Variants in VEGFC observed in about 807,000 individuals in gnomAD.
VEGFC encodes vascular endothelial growth factor C.
In VEGFC, 12 loss-of-function variants were observed where a neutral mutation model predicts 46.1. That is an observed-to-expected ratio of 0.26 (90% CI 0.17 to 0.42). The LOEUF (loss-of-function observed/expected upper bound fraction) is 0.42, where lower values mean the gene tolerates loss of function less well. Among genes scored for constraint, VEGFC ranks in the 10% least tolerant of loss-of-function variants. VEGFC has a pLI of 1.00. For missense variants in VEGFC, 488 were observed against 529.4 expected, an observed-to-expected ratio of 0.92 and a Z score of 0.77; for synonymous variants, 232 against 195.5, an observed-to-expected ratio of 1.19 and a Z score of -1.56.
intron 1 of VEGFC, among the ~76,000 whole-genome samples, chr4:176,769,384 T>C (rs1374028349): frequency 1.3e-5 from 2 of 152,170 alleles, no homozygotes; most frequent in Non-Finnish European, 2.9e-5. Flanking sequence ...CTGTGTGTCC[T>C]CTTGCGGTCT....
At chr4:176,702,795 A>T (rs183441894) in intron 4 of VEGFC, among the ~76,000 whole-genome samples, 93 of 152,190 alleles carry the variant, frequency 6.1e-4, no homozygotes, top group Non-Finnish European at 1.0e-3. Context: ...TGTAGTGTAT[A>T]TTGACTTCCC....
At chr4:176,689,877 G>T (rs3775203) in intron 4 of VEGFC, among the ~76,000 whole-genome samples, 58,669 of 151,900 alleles carry the variant, frequency 0.39, 12,095 homozygotes, top group East Asian at 0.54. Flanking sequence ...TTTATCAAGA[G>T]AGTTTGTCAC....
rs1553997799 is a variant in VEGFC, at chr4:176,780,387, A to AAAAAAACAAACAAAC, written c.147+11777_147+11778insGTTTGTTTGTTTTTT. Reference sequence around the variant, plus strand: ...ACAGAGCGAGACTCCATCTCAAAAAAAAAAAAAAAAAACTCCTTCTAACCC... The same window carrying AAAAAAACAAACAAAC: ...ACAGAGCGAGACTCCATCTCAAAAAAAAAAAACAAACAAACAAAAAAAAAAAACTCCTTCTAACCC... On this transcript the variant is annotated intron_variant, in intron 1 of 6. Coordinates refer to ENST00000618562, the MANE Select transcript of VEGFC (RefSeq NM_005429.5). Among the ~76,000 whole-genome samples the AAAAAAACAAACAAAC allele has an allele frequency of 2.0e-3, 226 of 114,780 alleles. 8 individuals carry two copies. The highest frequency in any genetic ancestry group is 8.6e-3 in the East Asian group (31 of 3,620). The allele number at this position is 114,780 out of a possible 152,430, so 75.3% of individuals were successfully genotyped here. A position where few individuals can be genotyped will look rare whatever the true frequency, so the allele number is the denominator to read the frequency against.
intron 3 of VEGFC, among the ~76,000 whole-genome samples, chr4:176,722,537 C>G (rs1354022906): frequency 6.7e-6 from 1 of 149,754 alleles, no homozygotes; most frequent in Non-Finnish European, 1.5e-5. Flanking sequence ...GCTCTGTCAC[C>G]CAGGCTGGAG....
intron 1 of VEGFC, among the ~76,000 whole-genome samples, chr4:176,758,150 T>C (rs1037655492): frequency 1.3e-5 from 2 of 152,118 alleles, no homozygotes; most frequent in Admixed American, 6.6e-5. Flanking sequence ...CATAGTCTTA[T>C]TAGAGTGAGA....
intron 5 of VEGFC, 138 bp from the exon 6 acceptor site, chr4:176,687,658 T>C (rs1734069072): frequency 9.7e-7 from 1 of 1,027,096 alleles, no homozygotes. Context: ...TGTTCCTTTA[T>C]AAAGGAGTTC....
intron 1 of VEGFC, among the ~76,000 whole-genome samples, chr4:176,764,264 G>A (rs1372499239): frequency 1.3e-5 from 2 of 152,118 alleles, no homozygotes; most frequent in African/African-American, 4.8e-5. Flanking sequence ...ATAGGTAAGA[G>A]GCTGAAAATC....
intron 1 of VEGFC, among the ~76,000 whole-genome samples, chr4:176,781,211 T>A (rs922331188): frequency 6.6e-6 from 1 of 152,212 alleles, no homozygotes; most frequent in Non-Finnish European, 1.5e-5. Flanking sequence ...AAGAGAGATC[T>A]AGGACTCAGA....
At chr4:176,711,402 T>C in intron 4 of VEGFC, 97 bp downstream of exon 4, 1 of 1,369,060 alleles carries the variant, frequency 7.3e-7, no homozygotes, top group Non-Finnish European at 9.8e-7. Context: ...TATATTACAG[T>C]AAATTTCACA....
At chr4:176,737,907 A>C (rs958756314) in intron 1 of VEGFC, among the ~76,000 whole-genome samples, 2 of 151,872 alleles carry the variant, frequency 1.3e-5, no homozygotes, top group Non-Finnish European at 2.9e-5. Context: ...TTGCTGAATA[A>C]AGGTTTAATG....
At chr4:176,788,923 AGGT>A (rs1553998375) in intron 1 of VEGFC, among the ~76,000 whole-genome samples, 26 of 152,338 alleles carry the variant, frequency 1.7e-4, no homozygotes, top group Non-Finnish European at 1.5e-5. Context: ...CATATTATGG[AGGT>A]GTAGTGAAAA....
At chr4:176,692,596 CGG>C (rs1734218448) in intron 4 of VEGFC, among the ~76,000 whole-genome samples, 1 of 135,652 alleles carries the variant, frequency 7.4e-6, no homozygotes, top group Admixed American at 7.1e-5. Context: ...ACAAAGCAGC[CGG>C]GAAGCTCGAA....
intron 4 of VEGFC, among the ~76,000 whole-genome samples, chr4:176,693,880 C>T (rs1311284739): frequency 6.6e-6 from 1 of 151,008 alleles, no homozygotes; most frequent in Non-Finnish European, 1.5e-5. Context: ...CCAAAATAAG[C>T]TTCATATAAG....
At chr4:176,688,817 T>C (rs1331259881) in intron 4 of VEGFC, among the ~76,000 whole-genome samples, 1 of 152,176 alleles carries the variant, frequency 6.6e-6, no homozygotes, top group Non-Finnish European at 1.5e-5. Flanking sequence ...CTCAGCTTGC[T>C]CATTTTCTCC....
At chr4:176,735,573 C>T (rs923238424) in intron 1 of VEGFC, among the ~76,000 whole-genome samples, 1 of 151,864 alleles carries the variant, frequency 6.6e-6, no homozygotes, top group Non-Finnish European at 1.5e-5. Flanking sequence ...GAAATCTTCC[C>T]AGAAATTAAA....
intron 1 of VEGFC, among the ~76,000 whole-genome samples, chr4:176,790,923 T>C (rs868697584): frequency 2.0e-5 from 3 of 152,210 alleles, no homozygotes; most frequent in Non-Finnish European, 2.9e-5. Flanking sequence ...TTCTATTTCA[T>C]GTATATTGTT....
At chr4:176,790,787 C>T (rs1291822128) in intron 1 of VEGFC, among the ~76,000 whole-genome samples, 1 of 152,080 alleles carries the variant, frequency 6.6e-6, no homozygotes, top group East Asian at 1.9e-4. Context: ...TTATCAGAAG[C>T]GTTATTGAGC....
intron 4 of VEGFC, among the ~76,000 whole-genome samples, chr4:176,703,225 T>A (rs1377260608): frequency 6.6e-6 from 1 of 152,066 alleles, no homozygotes; most frequent in African/African-American, 2.4e-5. Context: ...ATGTTTGATA[T>A]TTTTTAATTT....
chr4:176,777,949 A>G (rs1310103503), intron 1 of VEGFC, among the ~76,000 whole-genome samples: 2 of 125,990 alleles, frequency 1.6e-5, no homozygotes, highest in Non-Finnish European at 3.4e-5. Flanking sequence ...AAAAAAAAAA[A>G]GCTATTCTTG....
Sources: gnomAD v4.1 joint callset for allele counts (sites outside exome capture counted in the v4.1 genomes callset) on GRCh38, gnomAD v4.1.1 for gene constraint, MANE v1.5 for transcripts, NCBI Gene and HGNC (gene_info 2026-07-23, HGNC 2026-07-21) for gene names.